Variants in KIAA1217 observed in about 807,000 individuals in gnomAD.
KIAA1217 encodes sickle tail protein homolog.
Under a neutral mutation model 163.9 loss-of-function variants are expected in KIAA1217, and 88 were observed. That is an observed-to-expected ratio of 0.54 (90% confidence interval 0.45 to 0.64). The LOEUF is 0.64. Ranked by LOEUF, KIAA1217 falls within the 30% of genes least tolerant of loss-of-function variation. KIAA1217 has a pLI of 0.00. For missense variants in KIAA1217, 2,372 were observed against 2,475.0 expected (o/e 0.96, Z 0.88); for synonymous variants, 903 against 923.1 (o/e 0.98, Z 0.39).
intron 1 of KIAA1217, among the ~76,000 whole-genome samples, chr10:23,997,057 C>G (rs536889580): frequency 2.6e-5 from 4 of 152,318 alleles, no homozygotes; most frequent in South Asian, 2.1e-4. Flanking sequence ...GCTTCATGGT[C>G]TAACCTGTTT....
intron 1 of KIAA1217, among the ~76,000 whole-genome samples, chr10:23,769,920 G>C (rs985540329): frequency 4.6e-5 from 7 of 152,164 alleles, no homozygotes; most frequent in African/African-American, 1.7e-4. Flanking sequence ...ACCACGTTTG[G>C]CTTTGACATA....
chr10:23,726,237 AGGATTT>A (rs1174771028), intron 1 of KIAA1217, among the ~76,000 whole-genome samples: 1 of 149,336 alleles, frequency 6.7e-6, no homozygotes, highest in Non-Finnish European at 1.5e-5. Context: ...TAAAGTTTCT[AGGATTT>A]GGGGGAGAGT....
At chr10:24,521,636 G>A in intron 11 of KIAA1217, 146 bp from the exon 12 acceptor site, 1 of 897,244 alleles carries the variant, frequency 1.1e-6, no homozygotes, top group Non-Finnish European at 1.7e-6. Context: ...GCTCCTCTGT[G>A]CTCTTAACCC....
intron 3 of KIAA1217, among the ~76,000 whole-genome samples, chr10:24,396,481 A>G (rs2055768695): frequency 1.3e-5 from 2 of 152,202 alleles, no homozygotes; most frequent in African/African-American, 4.8e-5. Flanking sequence ...AATAGATGGT[A>G]TAAGTGCTAT....
At chr10:23,847,129 C>T (rs1312032553) in intron 1 of KIAA1217, among the ~76,000 whole-genome samples, 10 of 152,026 alleles carry the variant, frequency 6.6e-5, no homozygotes, top group East Asian at 3.8e-4. Flanking sequence ...CTACTGGATT[C>T]GGTTTGCCAG....
intron 1 of KIAA1217, among the ~76,000 whole-genome samples, chr10:23,936,663 C>T (rs1175373844): frequency 6.6e-6 from 1 of 152,092 alleles, no homozygotes; most frequent in Non-Finnish European, 1.5e-5. Flanking sequence ...TGGGAAGAAG[C>T]AAGGAAGGAT....
At chr10:24,476,912 C>T (rs142170025) in intron 6 of KIAA1217, among the ~76,000 whole-genome samples, 6 of 152,148 alleles carry the variant, frequency 3.9e-5, no homozygotes, top group African/African-American at 1.4e-4. Context: ...CCTACACATT[C>T]TCTCTACATT....
At chr10:23,780,805 C>G (rs867088604) in intron 1 of KIAA1217, among the ~76,000 whole-genome samples, 3 of 152,106 alleles carry the variant, frequency 2.0e-5, no homozygotes, top group African/African-American at 4.8e-5. Flanking sequence ...CTCAGCCTCC[C>G]GAGTAGCTGG....
intron 1 of KIAA1217, among the ~76,000 whole-genome samples, chr10:23,949,604 T>C (rs1167708352): frequency 6.6e-6 from 1 of 152,192 alleles, no homozygotes; most frequent in Admixed American, 6.5e-5. Flanking sequence ...TTTTACCTTT[T>C]TTTAAGATTA....
chr10:23,733,685 T>C (rs1362738936), intron 1 of KIAA1217, among the ~76,000 whole-genome samples: 6 of 152,126 alleles, frequency 3.9e-5, no homozygotes, highest in Non-Finnish European at 8.8e-5. Flanking sequence ...AAACCGTGGG[T>C]ATAGTACCCG....
intron 5 of KIAA1217, chr10:24,466,629 T>G (rs1182300199): frequency 1.0e-6 from 1 of 985,316 alleles, no homozygotes; most frequent in East Asian, 1.1e-4. Context: ...TCTTTGTGTC[T>G]TTTGTGATGA....
intron 2 of KIAA1217, among the ~76,000 whole-genome samples, chr10:24,271,853 G>A (rs1471444892): frequency 6.6e-6 from 1 of 151,826 alleles, no homozygotes; most frequent in Non-Finnish European, 1.5e-5. Context: ...ATATTTCTTG[G>A]TCCCAGCCTC....
chr10:23,854,165 C>G (rs1301129652), intron 1 of KIAA1217, among the ~76,000 whole-genome samples: 2 of 151,936 alleles, frequency 1.3e-5, no homozygotes, highest in African/African-American at 2.4e-5. Flanking sequence ...CTATAAGTTT[C>G]CCTCTACATG....
intron 1 of KIAA1217, among the ~76,000 whole-genome samples, chr10:23,907,103 C>T (rs1008098360): frequency 2.0e-5 from 3 of 152,056 alleles, no homozygotes; most frequent in African/African-American, 7.2e-5. Context: ...ACACCATTCT[C>T]CCATGTGTAT....
intron 10 of KIAA1217, among the ~76,000 whole-genome samples, chr10:24,517,927 G>A (rs1329836339): frequency 2.0e-5 from 3 of 152,132 alleles, no homozygotes; most frequent in African/African-American, 7.2e-5. Flanking sequence ...CCCGGGAGAC[G>A]GAGGTTGCAG....
chr10:23,873,690 C>T (rs114827867), intron 1 of KIAA1217, among the ~76,000 whole-genome samples: 6 of 136,672 alleles, frequency 4.4e-5, no homozygotes, highest in African/African-American at 1.8e-4. Flanking sequence ...TTGTCTGTTT[C>T]TCTCTCTCTC....
intron 1 of KIAA1217, among the ~76,000 whole-genome samples, chr10:23,786,243 C>T (rs1403065017): frequency 6.6e-6 from 1 of 151,406 alleles, no homozygotes; most frequent in East Asian, 1.9e-4. Flanking sequence ...TTGACTTAGG[C>T]GGTAAGGACA....
chr10:23,729,124 A>G (rs564723845), intron 1 of KIAA1217, among the ~76,000 whole-genome samples: 2 of 152,182 alleles, frequency 1.3e-5, no homozygotes, highest in African/African-American at 4.8e-5. Context: ...TCATGGCTTC[A>G]TAGCTCATTT....
At chr10:24,438,523 A>G (rs2060241210) in intron 5 of KIAA1217, 44 bp downstream of exon 5, 1 of 1,315,832 alleles carries the variant, frequency 7.6e-7, no homozygotes, top group Admixed American at 1.7e-5. Flanking sequence ...AGTGGGTCAA[A>G]GCGTCCCTCC....
Sources: gnomAD v4.1 joint callset for allele counts (sites outside exome capture counted in the v4.1 genomes callset) on GRCh38, gnomAD v4.1.1 for gene constraint, MANE v1.5 for transcripts, NCBI Gene and HGNC (gene_info 2026-07-23, HGNC 2026-07-21) for gene names.